Variants in CAMKMT observed in about 807,000 individuals in gnomAD.
CAMKMT encodes CaM KMT.
A neutral mutation model predicts 48.0 loss-of-function variants in CAMKMT; 53 were observed. The observed-to-expected ratio is 1.10, with a 90% CI of 0.89 to 1.39. The LOEUF (loss-of-function observed/expected upper bound fraction) is 1.39, where lower values mean the gene tolerates loss of function less well. CAMKMT is among the 40% of genes most tolerant of loss of function. The pLI, the probability that CAMKMT is intolerant of heterozygous loss-of-function variation, is 0.00. For synonymous variants in CAMKMT, 165 were observed against 152.3 expected, an observed-to-expected ratio of 1.08 and a Z score of -0.61; for missense variants, 428 against 402.7, an observed-to-expected ratio of 1.06 and a Z score of -0.54.
intron 3 of CAMKMT, among the ~76,000 whole-genome samples, chr2:44,468,463 T>C (rs577103768): frequency 1.3e-5 from 2 of 152,272 alleles, no homozygotes; most frequent in Admixed American, 6.5e-5. Flanking sequence ...AAACTAAAAA[T>C]GGAACTATCA....
At chr2:44,718,017 GC>G (rs1678263173) in intron 7 of CAMKMT, among the ~76,000 whole-genome samples, 1 of 152,072 alleles carries the variant, frequency 6.6e-6, no homozygotes, top group South Asian at 2.1e-4. Context: ...TATTTTGAGG[GC>G]CCACTTAGGA....
intron 2 of CAMKMT, among the ~76,000 whole-genome samples, chr2:44,385,954 C>G (rs563310559): frequency 2.6e-5 from 4 of 151,946 alleles, no homozygotes; most frequent in African/African-American, 9.6e-5. Flanking sequence ...TTATGTCTGT[C>G]CCTGGTTTTG....
intron 3 of CAMKMT, among the ~76,000 whole-genome samples, chr2:44,417,892 A>G (rs182497122): frequency 1.4e-4 from 22 of 152,192 alleles, no homozygotes; most frequent in Non-Finnish European, 2.8e-4. Flanking sequence ...TAAAAATCAG[A>G]TTGTCTTAAT....
chr2:44,675,086 A>C (rs492996), intron 3 of CAMKMT, among the ~76,000 whole-genome samples: 2 of 122,916 alleles, frequency 1.6e-5, no homozygotes, highest in Admixed American at 9.0e-5. Flanking sequence ...TAAGGGGGGG[A>C]AAAAAAAAAA....
chr2:44,578,475 T>G (rs1305064827), intron 3 of CAMKMT, among the ~76,000 whole-genome samples: 1 of 132,224 alleles, frequency 7.6e-6, no homozygotes, highest in Non-Finnish European at 1.7e-5. Flanking sequence ...CAGCCTCATA[T>G]GGCAGGTTGT....
At chr2:44,461,056 A>G (rs1667825466) in intron 3 of CAMKMT, among the ~76,000 whole-genome samples, 1 of 152,182 alleles carries the variant, frequency 6.6e-6, no homozygotes, top group Non-Finnish European at 1.5e-5. Context: ...AGCCTTCTCC[A>G]TCTGAGAGAT....
intron 3 of CAMKMT, among the ~76,000 whole-genome samples, chr2:44,616,315 T>A (rs1671885878): frequency 6.6e-6 from 1 of 152,194 alleles, no homozygotes; most frequent in African/African-American, 2.4e-5. Flanking sequence ...CCTAAGATAG[T>A]TAGTCACGTA....
At chr2:44,371,772 TA>T (rs1679204383) in intron 1 of CAMKMT, among the ~76,000 whole-genome samples, 1 of 151,480 alleles carries the variant, frequency 6.6e-6, no homozygotes, top group Non-Finnish European at 1.5e-5. Flanking sequence ...AAAATGACAT[TA>T]AAAAATCACA....
At chr2:44,681,321 T>C (rs1676007310) in intron 3 of CAMKMT, among the ~76,000 whole-genome samples, 1 of 152,208 alleles carries the variant, frequency 6.6e-6, no homozygotes, top group Non-Finnish European at 1.5e-5. Context: ...CACTGAGTTG[T>C]ATGTGGGTTG....
At chr2:44,623,860 T>C (rs1209896044) in intron 3 of CAMKMT, among the ~76,000 whole-genome samples, 2 of 152,232 alleles carry the variant, frequency 1.3e-5, no homozygotes, top group African/African-American at 4.8e-5. Context: ...GTTTAGACTG[T>C]TGTAGAATTA....
chr2:44,632,733 C>T (rs1292258239), intron 3 of CAMKMT, among the ~76,000 whole-genome samples: 3 of 152,052 alleles, frequency 2.0e-5, no homozygotes, highest in Non-Finnish European at 2.9e-5. Flanking sequence ...TAATCTGGGC[C>T]GGCACCATCT....
intron 3 of CAMKMT, among the ~76,000 whole-genome samples, chr2:44,487,072 C>T (rs562732518): frequency 5.3e-5 from 8 of 152,184 alleles, no homozygotes; most frequent in Admixed American, 2.0e-4. Flanking sequence ...AGGCACTAGC[C>T]TTTTGTTACT....
At chr2:44,555,048 AG>A (rs1572787099) in intron 3 of CAMKMT, among the ~76,000 whole-genome samples, 1 of 152,166 alleles carries the variant, frequency 6.6e-6, no homozygotes, top group East Asian at 1.9e-4. Flanking sequence ...CCTTGGCAAG[AG>A]GGATCTCGGA....
At chr2:44,756,614 C>T (rs1440335933) in intron 9 of CAMKMT, among the ~76,000 whole-genome samples, 1 of 151,774 alleles carries the variant, frequency 6.6e-6, no homozygotes, top group Non-Finnish European at 1.5e-5. Context: ...TGGTGGCGGG[C>T]GCCTGTAGTC....
At chr2:44,432,920 G>T (rs1348461250) in intron 3 of CAMKMT, among the ~76,000 whole-genome samples, 1 of 152,000 alleles carries the variant, frequency 6.6e-6, no homozygotes, top group Non-Finnish European at 1.5e-5. Flanking sequence ...AGAATTAAAT[G>T]AGTTAAATAA....
At chr2:44,406,246 C>G (rs1322213134) in intron 3 of CAMKMT, among the ~76,000 whole-genome samples, 1 of 151,998 alleles carries the variant, frequency 6.6e-6, no homozygotes, top group Non-Finnish European at 1.5e-5. Context: ...CCAAAAGTTC[C>G]TAACCAAGCG....
intron 3 of CAMKMT, among the ~76,000 whole-genome samples, chr2:44,513,515 A>G (rs1670673011): frequency 6.6e-6 from 1 of 152,154 alleles, no homozygotes; most frequent in African/African-American, 2.4e-5. Flanking sequence ...GGATGCTTTA[A>G]TATCATAAGC....
rs59281575 is a variant in CAMKMT at position 44,708,211 on chromosome 2, A to ATTTTTTTTTTTT, written c.556+763_556+774dup. On this transcript the variant is annotated intron_variant, in intron 6 of 10. Coordinates refer to ENST00000378494, the MANE Select transcript of CAMKMT (RefSeq NM_024766.5). ...AAAGTGGCAGATATGTTTGCTTTGG[A>ATTTTTTTTTTTT]TTTTTTTTTTTTTTTTTTTTTTTTT... Among the ~76,000 whole-genome samples, 64 of 68,196 alleles carry ATTTTTTTTTTTT rather than the reference A, an allele frequency of 9.4e-4. 6 individuals carry two copies. The highest frequency in any genetic ancestry group is 2.2e-3 in the East Asian group (4 of 1,820). The allele number at this position is 68,196 out of a possible 152,430, so 44.7% of individuals were successfully genotyped here. A position where few individuals can be genotyped will look rare whatever the true frequency, so the allele number is the denominator to read the frequency against.
At chr2:44,650,999 A>C (rs1184995465) in intron 3 of CAMKMT, among the ~76,000 whole-genome samples, 1 of 152,248 alleles carries the variant, frequency 6.6e-6, no homozygotes, top group Non-Finnish European at 1.5e-5. Context: ...AGGTTTGTTA[A>C]GCAAGCATAT....
Sources: allele counts gnomAD v4.1 joint callset (sites outside exome capture counted in the v4.1 genomes callset), GRCh38; gene constraint gnomAD v4.1.1; transcripts MANE v1.5; gene names NCBI Gene and HGNC (gene_info 2026-07-23, HGNC 2026-07-21).